Variants in TAF4B observed in about 807,000 individuals in gnomAD.
The protein encoded by TAF4B is TATA-box binding protein associated factor 4b, also known as transcription initiation factor TFIID subunit 4B.
In TAF4B, 38 loss-of-function variants were observed where a neutral mutation model predicts 86.4. That is an observed-to-expected ratio of 0.44 (90% CI 0.34 to 0.58). TAF4B has a LOEUF of 0.58. Ranked by LOEUF, TAF4B falls within the 20% of genes least tolerant of loss-of-function variation. The probability of loss-of-function intolerance (pLI) is 0.02; values close to 1 mark genes in which losing one functional copy is unlikely to be tolerated. For missense variants in TAF4B, 988 were observed against 1,027.6 expected (o/e 0.96, Z 0.53); for synonymous variants, 388 against 391.2 (o/e 0.99, Z 0.10).
Position 26,334,836 on chromosome 18 carries a change from A to G in TAF4B, c.2260-339A>G, listed in dbSNP as rs185597899. Among the ~76,000 whole-genome samples, 366 of 152,306 alleles carry G rather than the reference A, an allele frequency of 2.4e-3. 2 individuals carry two copies. Among genetic ancestry groups the G allele is most frequent in the Non-Finnish European group, 4.4e-3 (300 of 68,030 alleles). On this transcript the variant is annotated intron_variant, in intron 12 of 14. Transcript: ENST00000269142. Reference sequence around the variant, plus strand: ...TGATTGTTTTTATTCATTTAAACCAACAATTACTCTTTTTTTCTTTTCCTT... The same window carrying G: ...TGATTGTTTTTATTCATTTAAACCAGCAATTACTCTTTTTTTCTTTTCCTT...
chr18:26,358,781 G>A (rs1161834494), intron 14 of TAF4B, among the ~76,000 whole-genome samples: 1 of 152,138 alleles, frequency 6.6e-6, no homozygotes, highest in Non-Finnish European at 1.5e-5. Context: ...CTGAGATAGA[G>A]GTATGCTAAG....
intron 11 of TAF4B, among the ~76,000 whole-genome samples, chr18:26,322,411 A>C (rs1480175074): frequency 1.3e-5 from 2 of 152,034 alleles, no homozygotes; most frequent in Non-Finnish European, 2.9e-5. Context: ...TATGAAAAAA[A>C]CAAAAAATTA....
intron 13 of TAF4B, among the ~76,000 whole-genome samples, chr18:26,339,157 C>G (rs2057116559): frequency 6.6e-6 from 1 of 152,160 alleles, no homozygotes; most frequent in Non-Finnish European, 1.5e-5. Flanking sequence ...CCTGAAAAAA[C>G]ATTATAAGCG....
chr18:26,241,432 C>G (rs1250433915), intron 1 of TAF4B, among the ~76,000 whole-genome samples: 1 of 152,124 alleles, frequency 6.6e-6, no homozygotes, highest in Non-Finnish European at 1.5e-5. Flanking sequence ...ATGGTGATAT[C>G]CCCATTATCA....
chr18:26,264,917 T>G (rs2056217143), intron 1 of TAF4B, among the ~76,000 whole-genome samples: 1 of 152,212 alleles, frequency 6.6e-6, no homozygotes, highest in South Asian at 2.1e-4. Flanking sequence ...GCTTTATAGA[T>G]AGTTTTGATG....
At chr18:26,245,617 C>T (rs531539030) in intron 1 of TAF4B, among the ~76,000 whole-genome samples, 129 of 152,220 alleles carry the variant, frequency 8.5e-4, no homozygotes, top group African/African-American at 3.1e-3. Context: ...TTTTACAAAA[C>T]GCTGATTGGT....
Position 26,321,146 on chromosome 18 carries a change from A to G in TAF4B, c.2079A>G (p.Arg693=), listed in dbSNP as rs1447651970. 5 of 1,613,782 alleles carry G rather than the reference A, an allele frequency of 3.1e-6. No individual in the cohort carries two copies. In the East Asian group the frequency reaches 8.9e-5, roughly 29 times the overall value. ...LISQATQERL[R]GLLEKLTAIA... ...CCCAAGCAACACAGGAACGACTACG[A>G]GGCCTTCTAGAAAAACTGACTGCAA... Residue 693 remains arginine (R), a synonymous_variant, in exon 11 of 15, where the codon CGA becomes CGG. Transcript: ENST00000269142.
chr18:26,349,641 CAG>C (rs2057228366), intron 13 of TAF4B, among the ~76,000 whole-genome samples: 1 of 152,180 alleles, frequency 6.6e-6, no homozygotes, highest in South Asian at 2.1e-4. Context: ...AAGCAATCAA[CAG>C]AGTCAATGCA....
At chr18:26,305,211 A>T (rs1598781563) in intron 9 of TAF4B, among the ~76,000 whole-genome samples, 1 of 152,262 alleles carries the variant, frequency 6.6e-6, no homozygotes, top group East Asian at 1.9e-4. Flanking sequence ...ATTTACCTTT[A>T]TATCTTCAAT....
intron 9 of TAF4B, among the ~76,000 whole-genome samples, chr18:26,296,797 G>GT (rs2056668069): frequency 1.3e-5 from 2 of 152,078 alleles, no homozygotes; most frequent in Admixed American, 1.3e-4. Flanking sequence ...GTTTGGATTT[G>GT]TCCTTTCTAG....
At chr18:26,315,142 C>CTCTCTCTCTCTCTCTCTG (rs2056892977) in intron 9 of TAF4B, 87 bp from the exon 10 acceptor site, 1 of 259,818 alleles carries the variant, frequency 3.8e-6, no homozygotes, top group Non-Finnish European at 5.9e-6. Flanking sequence ...CTCTCTCTCT[C>CTCTCTCTCTCTCTCTCTG]TCTGTCTCTC....
intron 7 of TAF4B, among the ~76,000 whole-genome samples, chr18:26,286,884 A>G (rs1484205839): frequency 6.6e-6 from 1 of 152,098 alleles, no homozygotes; most frequent in Non-Finnish European, 1.5e-5. Flanking sequence ...GAGTTTCTCC[A>G]TGTTGGCCAG....
chr18:26,287,982 G>A (rs879701596), intron 7 of TAF4B, among the ~76,000 whole-genome samples: 1 of 152,124 alleles, frequency 6.6e-6, no homozygotes, highest in Non-Finnish European at 1.5e-5. Flanking sequence ...GATTTCTCTT[G>A]GGTACGTGAA....
chr18:26,380,370 A>G (rs1305976173), intron 14 of TAF4B, among the ~76,000 whole-genome samples: 3 of 152,190 alleles, frequency 2.0e-5, no homozygotes, highest in Admixed American at 6.5e-5. Context: ...AACTTTGAAG[A>G]TATTTCCTAA....
At chr18:26,299,162 T>C (rs879809303) in intron 9 of TAF4B, among the ~76,000 whole-genome samples, 1 of 149,468 alleles carries the variant, frequency 6.7e-6, no homozygotes, top group Admixed American at 6.6e-5. Flanking sequence ...TGCCCAGCCC[T>C]TTTTTTTTTC....
At chr18:26,289,217 A>G (rs1312699752) in intron 7 of TAF4B, among the ~76,000 whole-genome samples, 1 of 152,242 alleles carries the variant, frequency 6.6e-6, no homozygotes, top group Non-Finnish European at 1.5e-5. Flanking sequence ...TGAATCTATT[A>G]TAAACCATAG....
chr18:26,315,159 TCTCACACA>T (rs1229804779), intron 9 of TAF4B, 62 bp from the exon 10 acceptor site: 42 of 301,572 alleles, frequency 1.4e-4, no homozygotes, highest in African/African-American at 1.6e-4. Context: ...TCTCTCTCTC[TCTCACACA>T]CACACACACA....
intron 6 of TAF4B, among the ~76,000 whole-genome samples, chr18:26,283,893 A>C (rs955043226): frequency 5.3e-5 from 8 of 152,116 alleles, no homozygotes; most frequent in South Asian, 4.1e-4. Flanking sequence ...TCTACTAAAA[A>C]AAATAAAAAA....
rs554737646 is a variant in TAF4B at position 26,361,877 on chromosome 18, T to C, written c.2421+4083T>C. Among the ~76,000 whole-genome samples the C allele has an allele frequency of 2.0e-4, 30 of 152,248 alleles. 1 individual carries two copies. In the South Asian group the frequency reaches 6.0e-3, roughly 31 times the overall value. ...TCTTTGTTTTTGGTCCATTTGTATA[T>C]GATATGTGTAAATATTTTATTTAAA... On this transcript the variant is annotated intron_variant, in intron 14 of 14. Coordinates refer to ENST00000269142, the MANE Select transcript of TAF4B (RefSeq NM_005640.3).
Sources: gnomAD v4.1 joint callset for allele counts (sites outside exome capture counted in the v4.1 genomes callset) on GRCh38, gnomAD v4.1.1 for gene constraint, MANE v1.5 for transcripts, NCBI Gene and HGNC (gene_info 2026-07-23, HGNC 2026-07-21) for gene names.